Variants in CSMD1 observed in about 807,000 individuals in gnomAD.
CSMD1 encodes the protein CUB and Sushi multiple domains 1, also known as CUB and sushi domain-containing protein 1.
In CSMD1, 213 loss-of-function variants were observed where a neutral mutation model predicts 417.5. The observed-to-expected ratio is 0.51, with a 90% CI of 0.46 to 0.57. The LOEUF (loss-of-function observed/expected upper bound fraction) is 0.57, where lower values mean the gene tolerates loss of function less well. Ranked by LOEUF, CSMD1 falls within the 20% of genes least tolerant of loss-of-function variation. CSMD1 has a pLI of 0.00. For synonymous variants in CSMD1, 2,862 were observed against 1,736.8 expected (o/e 1.65, Z -16.11); for missense variants, 6,923 against 4,529.7 (o/e 1.53, Z -15.17).
At chr8:4,133,586 G>C (rs546867464) in intron 3 of CSMD1, among the ~76,000 whole-genome samples, 1 of 152,274 alleles carries the variant, frequency 6.6e-6, no homozygotes, top group African/African-American at 2.4e-5. Context: ...ACGCCGATAT[G>C]TGTAATAAAC....
At chr8:3,748,037 G>A (rs1452687112) in intron 6 of CSMD1, among the ~76,000 whole-genome samples, 2 of 152,114 alleles carry the variant, frequency 1.3e-5, no homozygotes, top group Non-Finnish European at 2.9e-5. Context: ...AGACACACAG[G>A]TAGAAGGGGT....
At chr8:4,942,732 G>A (rs765151312) in intron 1 of CSMD1, among the ~76,000 whole-genome samples, 2 of 152,112 alleles carry the variant, frequency 1.3e-5, no homozygotes, top group Non-Finnish European at 2.9e-5. Flanking sequence ...ATCCAATACC[G>A]ACCTTCATCA....
intron 3 of CSMD1, among the ~76,000 whole-genome samples, chr8:4,339,250 T>G (rs1478217666): frequency 6.6e-6 from 1 of 152,166 alleles, no homozygotes; most frequent in Non-Finnish European, 1.5e-5. Flanking sequence ...GTTATGGTCT[T>G]GGCCAGAGAC....
chr8:3,515,880 A>G (rs2117423441), intron 10 of CSMD1, among the ~76,000 whole-genome samples: 1 of 152,368 alleles, frequency 6.6e-6, no homozygotes, highest in African/African-American at 2.4e-5. Flanking sequence ...AACTTCTCAT[A>G]GCATATCTTG....
intron 4 of CSMD1, among the ~76,000 whole-genome samples, chr8:4,030,809 T>G (rs189713152): frequency 2.6e-5 from 4 of 152,298 alleles, no homozygotes; most frequent in African/African-American, 9.6e-5. Context: ...AACTGAAAGC[T>G]TTACAGCACC....
chr8:4,258,346 G>GGAGAAA (rs1212781664), intron 3 of CSMD1, among the ~76,000 whole-genome samples: 4 of 58,934 alleles, frequency 6.8e-5, no homozygotes, highest in African/African-American at 2.9e-4. Context: ...GGGAGGGGAG[G>GGAGAAA]GAGAAAGAGA....
At chr8:3,657,862 T>C (rs1456389709) in intron 7 of CSMD1, among the ~76,000 whole-genome samples, 1 of 152,148 alleles carries the variant, frequency 6.6e-6, no homozygotes, top group African/African-American at 2.4e-5. Flanking sequence ...AAAGAGAAAC[T>C]ATAAACAAAA....
At chr8:3,797,927 G>A (rs1046853930) in intron 5 of CSMD1, among the ~76,000 whole-genome samples, 3 of 151,992 alleles carry the variant, frequency 2.0e-5, no homozygotes, top group Admixed American at 6.6e-5. Flanking sequence ...ATATTGTCAA[G>A]TTTTGTAATT....
chr8:4,942,849 G>A lies in CSMD1; in HGVS notation c.85+51483C>T, dbSNP rs114150632. ...GGTGTTAACTAATTCACAGATAGTGGGACCTTTATTTGTATCCAAAACATT... is the reference window on the plus strand; with the variant it reads ...GGTGTTAACTAATTCACAGATAGTGAGACCTTTATTTGTATCCAAAACATT... On this transcript the variant is annotated intron_variant, in intron 1 of 69. Coordinates refer to ENST00000635120, the MANE Select transcript of CSMD1 (RefSeq NM_033225.6). Among the ~76,000 whole-genome samples, 303 of 152,310 alleles carry A rather than the reference G, an allele frequency of 2.0e-3. 3 individuals carry two copies. The highest frequency in any genetic ancestry group is 6.5e-3 in the African/African-American group (270 of 41,576).
At position 3,471,784 on chromosome 8, in the gene CSMD1, T is replaced by A. The variant is rs148698916; in HGVS notation, c.1449-2960A>T. 4.1e-3 allele frequency among the ~76,000 whole-genome samples: 628 copies of A among 152,196 alleles called. 10 individuals are homozygous for A. Among genetic ancestry groups the A allele is most frequent in the Non-Finnish European group, 2.8e-3 (188 of 68,008 alleles). On this transcript the variant is annotated intron_variant, in intron 11 of 69. Transcript: ENST00000635120. ...ATAAAAGAAAAATATGTATCTTAAG[T>A]CAAATTCATGGTTTTGGGTAGAAGA...
intron 4 of CSMD1, among the ~76,000 whole-genome samples, chr8:4,021,947 T>C (rs567696389): frequency 2.0e-5 from 3 of 152,102 alleles, no homozygotes; most frequent in Admixed American, 6.5e-5. Flanking sequence ...TCTTTATTTT[T>C]TTCAACTAGC....
At chr8:3,332,186 C>T (rs543778887) in intron 23 of CSMD1, among the ~76,000 whole-genome samples, 1 of 152,172 alleles carries the variant, frequency 6.6e-6, no homozygotes, top group African/African-American at 2.4e-5. Flanking sequence ...GGATATTATC[C>T]AAAACTACTG....
At chr8:4,504,599 A>G (rs956975786) in intron 2 of CSMD1, among the ~76,000 whole-genome samples, 2 of 152,260 alleles carry the variant, frequency 1.3e-5, no homozygotes, top group African/African-American at 2.4e-5. Context: ...CCTCGCATGC[A>G]TTAGGCATTT....
chr8:4,002,344 G>C (rs1363187816), intron 4 of CSMD1, among the ~76,000 whole-genome samples: 1 of 152,108 alleles, frequency 6.6e-6, no homozygotes, highest in African/African-American at 2.4e-5. Context: ...CGCTATTTTT[G>C]TAAGGGATTT....
chr8:4,077,956 T>A (rs1799921749), intron 3 of CSMD1, among the ~76,000 whole-genome samples: 1 of 152,152 alleles, frequency 6.6e-6, no homozygotes, highest in East Asian at 1.9e-4. Context: ...ATACTCGCCC[T>A]GCATGTGTGT....
intron 1 of CSMD1, among the ~76,000 whole-genome samples, chr8:4,763,932 A>C (rs1344142920): frequency 6.6e-6 from 1 of 152,212 alleles, no homozygotes; most frequent in Admixed American, 6.5e-5. Context: ...AGTCTGAACA[A>C]ATTATATTCC....
chr8:3,882,169 A>G (rs1376172736), intron 5 of CSMD1, among the ~76,000 whole-genome samples: 1 of 152,202 alleles, frequency 6.6e-6, no homozygotes, highest in Non-Finnish European at 1.5e-5. Flanking sequence ...TGTGTACAGA[A>G]TATACAGACA....
At chr8:4,127,175 G>T (rs909259412) in intron 3 of CSMD1, among the ~76,000 whole-genome samples, 2 of 152,000 alleles carry the variant, frequency 1.3e-5, no homozygotes, top group East Asian at 1.9e-4. Context: ...GATATTTAAA[G>T]TTCCTGCTAT....
At chr8:4,237,305 G>C (rs1241069353) in intron 3 of CSMD1, among the ~76,000 whole-genome samples, 3 of 152,116 alleles carry the variant, frequency 2.0e-5, no homozygotes, top group African/African-American at 7.2e-5. Flanking sequence ...TATTGAGAGG[G>C]AATGTTAACT....
Sources: gnomAD v4.1 joint callset for allele counts (sites outside exome capture counted in the v4.1 genomes callset) on GRCh38, gnomAD v4.1.1 for gene constraint, MANE v1.5 for transcripts, NCBI Gene and HGNC (gene_info 2026-07-23, HGNC 2026-07-21) for gene names.